The following IFT56 variants were observed in gnomAD, a reference collection of about 807,000 sequenced individuals.
IFT56 encodes intraflagellar transport 56.
chr7:139,168,579 A>AAC, the IFT56 span: 4 of 592,970 alleles, frequency 6.7e-6, no homozygotes, highest in South Asian at 3.9e-5. Flanking sequence ...CAAAAAAAAA[A>AAC]AACAAAAAAA....
At chr7:139,135,287 A>C in the IFT56 span, among the ~76,000 whole-genome samples, 5 of 148,396 alleles carry the variant, frequency 3.4e-5, no homozygotes, top group South Asian at 6.3e-4. Context: ...CAAAAAAAAA[A>C]AAAAAAAAAA....
chr7:139,152,860 A>G, the IFT56 span, among the ~76,000 whole-genome samples: 1 of 152,226 alleles, frequency 6.6e-6, no homozygotes, highest in Non-Finnish European at 1.5e-5. Context: ...TCTCAAAAAG[A>G]AATGTTGGCC....
At chr7:139,163,883 A>T in the IFT56 span, among the ~76,000 whole-genome samples, 4 of 152,198 alleles carry the variant, frequency 2.6e-5, no homozygotes, top group African/African-American at 9.7e-5. Flanking sequence ...GGGTCGAGAG[A>T]AGAGATTTTG....
chr7:139,177,869 G>A, the IFT56 span, among the ~76,000 whole-genome samples: 1 of 152,070 alleles, frequency 6.6e-6, no homozygotes, highest in Non-Finnish European at 1.5e-5. Flanking sequence ...ATTTAGAAAA[G>A]TGATAATGGA....
At chr7:139,174,792 G>A in the IFT56 span, among the ~76,000 whole-genome samples, 158 of 152,192 alleles carry the variant, frequency 1.0e-3, 1 homozygote, top group South Asian at 4.4e-3. Context: ...AGGCTGAGGC[G>A]GGTGGATCAC....
chr7:139,166,721 TA>T, the IFT56 span: 1 of 566,102 alleles, frequency 1.8e-6, no homozygotes, highest in Non-Finnish European at 3.3e-6. Flanking sequence ...AGAAGACAGA[TA>T]AAACAGATCA....
chr7:139,147,290 G>C, the IFT56 span: 1 of 1,597,664 alleles, frequency 6.3e-7, no homozygotes, highest in Non-Finnish European at 8.5e-7. Flanking sequence ...CTAGATAACA[G>C]GTCTGTGTCC....
chr7:139,156,767 A>G, the IFT56 span, among the ~76,000 whole-genome samples: 3 of 152,170 alleles, frequency 2.0e-5, no homozygotes, highest in East Asian at 5.8e-4. Context: ...CCTTTGGAAA[A>G]TAATTCCAGT....
At chr7:139,172,053 T>C in the IFT56 span, among the ~76,000 whole-genome samples, 1 of 152,114 alleles carries the variant, frequency 6.6e-6, no homozygotes, top group African/African-American at 2.4e-5. Context: ...TTGAGACTAC[T>C]TTGTGGTTTC....
the IFT56 span, among the ~76,000 whole-genome samples, chr7:139,166,065 C>A: frequency 1.3e-5 from 2 of 152,172 alleles, no homozygotes; most frequent in South Asian, 2.1e-4. Flanking sequence ...TCAAGCAATT[C>A]TCCTGCCTCA....
chr7:139,148,500 T>G, the IFT56 span: 12 of 862,458 alleles, frequency 1.4e-5, no homozygotes, highest in Admixed American at 1.5e-4. Context: ...TCATTGCCAC[T>G]GTGATTCTAT....
chr7:139,162,450 A>C, the IFT56 span, among the ~76,000 whole-genome samples: 3 of 152,224 alleles, frequency 2.0e-5, no homozygotes, highest in African/African-American at 7.2e-5. Flanking sequence ...TTTCTTTCAT[A>C]ATACTTTATT....
the IFT56 span, among the ~76,000 whole-genome samples, chr7:139,186,948 G>C: frequency 1.3e-5 from 2 of 150,432 alleles, no homozygotes; most frequent in African/African-American, 5.0e-5. Flanking sequence ...CAAAAAATTA[G>C]CCGGGCGCGG....
chr7:139,166,708 G>A, the IFT56 span: 1 of 520,518 alleles, frequency 1.9e-6, no homozygotes, highest in Non-Finnish European at 3.6e-6. Flanking sequence ...AACATGGAGA[G>A]TTAGAAGACA....
At chr7:139,159,019 T>C in the IFT56 span, among the ~76,000 whole-genome samples, 31 of 152,230 alleles carry the variant, frequency 2.0e-4, no homozygotes, top group Non-Finnish European at 2.8e-4. Context: ...TATTATTTAA[T>C]TTGTTGCATC....
the IFT56 span, chr7:139,168,506 T>G: frequency 1.3e-6 from 1 of 764,012 alleles, no homozygotes. Context: ...TGTAGCTCCT[T>G]TTATTTCTCC....
chr7:139,188,210 C>T, the IFT56 span, among the ~76,000 whole-genome samples: 27 of 151,360 alleles, frequency 1.8e-4, no homozygotes, highest in Non-Finnish European at 2.8e-4. Flanking sequence ...AAGTGATTCT[C>T]CTGCCTCACT....
At chr7:139,146,659 T>C in the IFT56 span, among the ~76,000 whole-genome samples, 2 of 148,480 alleles carry the variant, frequency 1.3e-5, no homozygotes, top group East Asian at 4.0e-4. Flanking sequence ...CCCAGGAACT[T>C]GGGAGGCTGA....
the IFT56 span, among the ~76,000 whole-genome samples, chr7:139,150,131 C>T: frequency 6.6e-6 from 1 of 152,100 alleles, no homozygotes; most frequent in Non-Finnish European, 1.5e-5. Flanking sequence ...TACACTTGAG[C>T]ACATAGTATA....
Sources: allele counts gnomAD v4.1 joint callset (sites outside exome capture counted in the v4.1 genomes callset), GRCh38; gene constraint gnomAD v4.1.1; transcripts MANE v1.5; gene names NCBI Gene and HGNC (gene_info 2026-07-23, HGNC 2026-07-21).